The following FGF12 variants were observed in gnomAD, a reference collection of about 807,000 sequenced individuals.
The protein encoded by FGF12 is fibroblast growth factor 12B.
FGF12 carries 14 observed loss-of-function variants against 23.6 expected under a neutral mutation model. The ratio of observed to expected loss-of-function variants is 0.59; its 90% CI spans 0.39 to 0.93. FGF12 has a LOEUF of 0.93. Among genes scored for constraint, FGF12 ranks in the 40% least tolerant of loss-of-function variants. The probability of loss-of-function intolerance (pLI) is 0.00; values close to 1 mark genes in which losing one functional copy is unlikely to be tolerated. For synonymous variants in FGF12, 62 were observed against 77.3 expected, an observed-to-expected ratio of 0.80 and a Z score of 1.04; for missense variants, 175 against 217.8, an observed-to-expected ratio of 0.80 and a Z score of 1.24.
chr3:192,141,266 T>C lies in FGF12; in HGVS notation c.*2743A>G, dbSNP rs1275641536. The C allele has an allele frequency of 6.6e-6, 1 of 151,800 alleles. No homozygotes were observed. The highest frequency in any genetic ancestry group is 2.4e-5 in the African/African-American group (1 of 41,378). 9.4% of individuals were successfully genotyped at this position (151,800 alleles called of 1,614,324 possible). On this transcript the variant is annotated 3_prime_UTR_variant, in exon 6 of 6. Transcript: ENST00000445105. ...AAATAAGCCTGAAAAACAAAGTACT[T>C]AAACTCAACCATATTTTTGGATGAA...
At chr3:192,190,683 G>A (rs1025258428) in intron 4 of FGF12, among the ~76,000 whole-genome samples, 1 of 151,634 alleles carries the variant, frequency 6.6e-6, no homozygotes, top group Non-Finnish European at 1.5e-5. Flanking sequence ...CACCGTTTTA[G>A]CCGGGATGGT....
chr3:192,672,831 C>A (rs1717177188), intron 2 of FGF12: 1 of 150,870 alleles, frequency 6.6e-6, no homozygotes, highest in South Asian at 2.1e-4. Flanking sequence ...GTTTCCTTGC[C>A]TTATCTCTCC....
At chr3:192,457,382 G>C (rs1280381287) in intron 2 of FGF12, among the ~76,000 whole-genome samples, 2 of 152,188 alleles carry the variant, frequency 1.3e-5, no homozygotes, top group African/African-American at 2.4e-5. Context: ...GAACCTCCTA[G>C]AGACTTGTTG....
At chr3:192,667,982 T>C (rs1716956934) in intron 2 of FGF12, among the ~76,000 whole-genome samples, 1 of 152,188 alleles carries the variant, frequency 6.6e-6, no homozygotes, top group South Asian at 2.1e-4. Context: ...TATAATAATG[T>C]ATACATGCAA....
intron 2 of FGF12, among the ~76,000 whole-genome samples, chr3:192,481,664 G>A (rs933713828): frequency 2.4e-4 from 36 of 152,182 alleles, no homozygotes; most frequent in African/African-American, 8.4e-4. Flanking sequence ...AATGAAGCCA[G>A]TAACACTGTA....
chr3:192,317,616 C>T (rs549284583), intron 4 of FGF12, among the ~76,000 whole-genome samples: 1 of 152,300 alleles, frequency 6.6e-6, no homozygotes, highest in East Asian at 1.9e-4. Context: ...CAGGCCCTGG[C>T]TCCCAGATGG....
At chr3:192,460,302 A>AT (rs1171931821) in intron 2 of FGF12, among the ~76,000 whole-genome samples, 1 of 152,200 alleles carries the variant, frequency 6.6e-6, no homozygotes, top group African/African-American at 2.4e-5. Context: ...CACAAATTTT[A>AT]TTCCTACTCA....
At chr3:192,228,280 A>C (rs1180152258) in intron 4 of FGF12, among the ~76,000 whole-genome samples, 1 of 152,152 alleles carries the variant, frequency 6.6e-6, no homozygotes, top group African/African-American at 2.4e-5. Context: ...GTCAATTAAA[A>C]AATAAGTGAT....
At chr3:192,281,975 T>G (rs1714171616) in intron 4 of FGF12, among the ~76,000 whole-genome samples, 1 of 152,144 alleles carries the variant, frequency 6.6e-6, no homozygotes, top group Non-Finnish European at 1.5e-5. Flanking sequence ...GAAACGAGAA[T>G]TAACCTACAC....
chr3:192,310,001 A>C (rs546498995), intron 4 of FGF12, among the ~76,000 whole-genome samples: 6 of 152,202 alleles, frequency 3.9e-5, no homozygotes, highest in Non-Finnish European at 7.4e-5. Flanking sequence ...TAGAATATTT[A>C]AAATGGTAAA....
At chr3:192,495,735 T>C (rs1057206111) in intron 2 of FGF12, among the ~76,000 whole-genome samples, 2 of 152,156 alleles carry the variant, frequency 1.3e-5, no homozygotes, top group African/African-American at 4.8e-5. Context: ...GGCGTAATTA[T>C]GGCTCACTGA....
At chr3:192,599,269 A>AATAATAATAATAATT (rs1553837297) in intron 2 of FGF12, among the ~76,000 whole-genome samples, 30,696 of 147,932 alleles carry the variant, frequency 0.21, 3,715 homozygotes, top group East Asian at 0.3. Flanking sequence ...TAATAATAAT[A>AATAATAATAATAATT]ATAATAATAA....
intron 2 of FGF12, among the ~76,000 whole-genome samples, chr3:192,567,803 C>CTTTCTTTCTTTCTCTCTCTCTCTCTCT (rs1712407586): frequency 1.0e-5 from 1 of 99,720 alleles, no homozygotes; most frequent in African/African-American, 3.6e-5. Context: ...CTTTCTTTCT[C>CTTTCTTTCTTTCTCTCTCTCTCTCTCT]TTTCTTTCTT....
chr3:192,661,710 C>G (rs1372832623), intron 2 of FGF12, among the ~76,000 whole-genome samples: 1 of 152,096 alleles, frequency 6.6e-6, no homozygotes, highest in Non-Finnish European at 1.5e-5. Context: ...ATTTCCTAAG[C>G]TGAAGACTGA....
intron 2 of FGF12, among the ~76,000 whole-genome samples, chr3:192,722,850 G>A (rs1161201591): frequency 6.6e-6 from 1 of 152,190 alleles, no homozygotes; most frequent in Admixed American, 6.5e-5. Context: ...CAAGTTCAGA[G>A]ATTGCATCTT....
At chr3:192,682,246 T>C (rs2108708520) in intron 2 of FGF12, among the ~76,000 whole-genome samples, 1 of 152,282 alleles carries the variant, frequency 6.6e-6, no homozygotes, top group African/African-American at 2.4e-5. Context: ...CCCAATATTA[T>C]CTGCTATAAG....
intron 4 of FGF12, among the ~76,000 whole-genome samples, chr3:192,172,282 G>A (rs146810332): frequency 2.2e-4 from 33 of 150,132 alleles, no homozygotes; most frequent in African/African-American, 7.3e-4. Flanking sequence ...CCAGCTACTC[G>A]GGAGGCTGAG....
At position 192,265,938 on chromosome 3, in the gene FGF12, C is replaced by A. The variant is rs376559099; in HGVS notation, c.228+69423G>T. Reference sequence around the variant, plus strand: ...AAATAAACTGAATCTCTGCAAGCTTCCGTTTCCTTCTATGCATTGTGGGGA... The same window carrying A: ...AAATAAACTGAATCTCTGCAAGCTTACGTTTCCTTCTATGCATTGTGGGGA... On this transcript the variant is annotated intron_variant, in intron 4 of 5. Transcript: ENST00000445105. 2.4e-4 allele frequency among the ~76,000 whole-genome samples: 36 copies of A among 152,206 alleles called. No individual in the cohort carries two copies. The East Asian group carries it at 3.1e-3, about 13-fold the overall frequency.
At chr3:192,471,832 T>TAC (rs1239053486) in intron 2 of FGF12, among the ~76,000 whole-genome samples, 1 of 152,192 alleles carries the variant, frequency 6.6e-6, no homozygotes, top group Non-Finnish European at 1.5e-5. Flanking sequence ...TAGAATACAG[T>TAC]GTGTTCAAGG....
Sources: allele counts gnomAD v4.1 joint callset (sites outside exome capture counted in the v4.1 genomes callset), GRCh38; gene constraint gnomAD v4.1.1; transcripts MANE v1.5; gene names NCBI Gene and HGNC (gene_info 2026-07-23, HGNC 2026-07-21).